FABP7: variants seen among roughly 807,000 people sequenced by gnomAD.
FABP7 encodes the protein fatty acid binding protein 7.
Under a neutral mutation model 14.2 loss-of-function variants are expected in FABP7, and 13 were observed. The ratio of observed to expected loss-of-function variants is 0.91; its 90% confidence interval spans 0.59 to 1.45. The LOEUF is 1.45. Among genes scored for constraint, FABP7 ranks in the 40% most tolerant of loss-of-function variants. FABP7 has a pLI of 0.00. For synonymous variants in FABP7, 49 were observed against 51.4 expected (o/e 0.95, Z 0.20); for missense variants, 149 against 157.6 (o/e 0.95, Z 0.29).
At chr6:122,776,941 T>C (rs1258105705), upstream of FABP7, among the ~76,000 whole-genome samples, 1 of 152,186 alleles carries the variant, frequency 6.6e-6, no homozygotes, top group African/African-American at 2.4e-5. Context: ...CTCTAAATTG[T>C]GGGGCTTTCA....
the FABP7 span, among the ~76,000 whole-genome samples, chr6:122,774,611 C>A: frequency 8.6e-5 from 13 of 152,018 alleles, no homozygotes; most frequent in South Asian, 2.5e-3. Flanking sequence ...AGTTATAGAA[C>A]AGTCGAGTGG....
the FABP7 span, among the ~76,000 whole-genome samples, chr6:122,773,252 A>T: frequency 6.6e-6 from 1 of 152,138 alleles, no homozygotes. Context: ...CTACAAATGT[A>T]ATCATTTATC....
the FABP7 span, among the ~76,000 whole-genome samples, chr6:122,761,655 C>A: frequency 1.3e-5 from 2 of 151,934 alleles, no homozygotes; most frequent in Non-Finnish European, 2.9e-5. Context: ...TATTTTGAAA[C>A]CCACAGCTAT....
the FABP7 span, among the ~76,000 whole-genome samples, chr6:122,773,673 G>C: frequency 3.9e-5 from 6 of 152,122 alleles, no homozygotes; most frequent in Non-Finnish European, 8.8e-5. Flanking sequence ...AATTTTTGTT[G>C]CTGCATAACC....
the FABP7 span, among the ~76,000 whole-genome samples, chr6:122,749,218 C>A: frequency 6.6e-6 from 1 of 151,992 alleles, no homozygotes; most frequent in Non-Finnish European, 1.5e-5. Context: ...TCTTTGGAGG[C>A]AAAAATTGGG....
chr6:122,782,578 A>C, intron 3 of FABP7: 3 of 985,402 alleles, frequency 3.0e-6, no homozygotes, highest in Non-Finnish European at 2.4e-6. Context: ...TTCCTCAGAC[A>C]CTTTTTGTGT....
At chr6:122,768,937 C>T in the FABP7 span, among the ~76,000 whole-genome samples, 3 of 152,158 alleles carry the variant, frequency 2.0e-5, no homozygotes, top group Middle Eastern at 6.8e-3. Context: ...TATCACCATT[C>T]GAACAGGTTT....
At chr6:122,756,486 T>A in the FABP7 span, among the ~76,000 whole-genome samples, 1 of 152,208 alleles carries the variant, frequency 6.6e-6, no homozygotes, top group African/African-American at 2.4e-5. Flanking sequence ...TATATGCATC[T>A]GTAGCAATAT....
the FABP7 span, among the ~76,000 whole-genome samples, chr6:122,752,311 A>G: frequency 6.6e-6 from 1 of 152,210 alleles, no homozygotes; most frequent in Non-Finnish European, 1.5e-5. Context: ...AGTTTTCTGT[A>G]CAGAATCTAT....
At chr6:122,752,652 C>T in the FABP7 span, among the ~76,000 whole-genome samples, 1 of 152,154 alleles carries the variant, frequency 6.6e-6, no homozygotes, top group Non-Finnish European at 1.5e-5. Context: ...TTTGTCTAAG[C>T]TAGTACACTT....
chr6:122,751,385 T>C, the FABP7 span, among the ~76,000 whole-genome samples: 3 of 152,196 alleles, frequency 2.0e-5, no homozygotes, highest in East Asian at 1.9e-4. Context: ...TTGCAGGTGA[T>C]GGTGATGGGC....
the FABP7 span, among the ~76,000 whole-genome samples, chr6:122,759,944 C>A: frequency 1.3e-5 from 2 of 151,924 alleles, no homozygotes; most frequent in African/African-American, 4.8e-5. Flanking sequence ...TATGGTGAAA[C>A]CCCATCTCTA....
At chr6:122,762,408 T>C in the FABP7 span, among the ~76,000 whole-genome samples, 1 of 152,182 alleles carries the variant, frequency 6.6e-6, no homozygotes, top group African/African-American at 2.4e-5. Flanking sequence ...ATAAGAGCTA[T>C]TTATGACAAA....
chr6:122,760,288 C>G, the FABP7 span, among the ~76,000 whole-genome samples: 1 of 152,118 alleles, frequency 6.6e-6, no homozygotes, highest in Admixed American at 6.5e-5. Flanking sequence ...TACTTTAATC[C>G]TGTAAAATGT....
chr6:122,777,104 T>C (rs1160326040), upstream of FABP7, among the ~76,000 whole-genome samples: 1 of 152,222 alleles, frequency 6.6e-6, no homozygotes, highest in African/African-American at 2.4e-5. Context: ...AGGGCTAAGA[T>C]GAAGATATCT....
At chr6:122,754,283 T>C in the FABP7 span, among the ~76,000 whole-genome samples, 1 of 152,238 alleles carries the variant, frequency 6.6e-6, no homozygotes, top group East Asian at 1.9e-4. Flanking sequence ...AGTTGATGAA[T>C]GTGTTATATT....
the FABP7 span, among the ~76,000 whole-genome samples, chr6:122,760,983 A>C: frequency 1.2e-4 from 19 of 152,190 alleles, no homozygotes; most frequent in Admixed American, 4.6e-4. Flanking sequence ...GATTTATGAG[A>C]CTTCCAGGTT....
chr6:122,760,183 C>A, the FABP7 span, among the ~76,000 whole-genome samples: 1 of 152,136 alleles, frequency 6.6e-6, no homozygotes, highest in South Asian at 2.1e-4. Context: ...AAGGTACACA[C>A]CCAAGTATTC....
chr6:122,778,932 GGGA>G (rs1780718131), upstream of FABP7, among the ~76,000 whole-genome samples: 1 of 152,124 alleles, frequency 6.6e-6, no homozygotes, highest in Non-Finnish European at 1.5e-5. Context: ...GGAGATCGGG[GGGA>G]AAAGCATTCT....
Sources: allele counts gnomAD v4.1 joint callset (sites outside exome capture counted in the v4.1 genomes callset), GRCh38; gene constraint gnomAD v4.1.1; transcripts MANE v1.5; gene names NCBI Gene and HGNC (gene_info 2026-07-23, HGNC 2026-07-21).